PCDH9: variants seen among roughly 807,000 people sequenced by gnomAD.
The protein encoded by PCDH9 is protocadherin-9.
Under a neutral mutation model 70.6 loss-of-function variants are expected in PCDH9, and 24 were observed. The observed-to-expected ratio is 0.34, with a 90% confidence interval of 0.25 to 0.48. PCDH9 has a LOEUF of 0.48. Among genes scored for constraint, PCDH9 ranks in the 20% least tolerant of loss-of-function variants. The pLI is 0.99. For synonymous variants in PCDH9, 562 were observed against 558.5 expected (o/e 1.01, Z -0.09); for missense variants, 1,281 against 1,503.6 (o/e 0.85, Z 2.45).
intron 3 of PCDH9, among the ~76,000 whole-genome samples, chr13:66,712,290 C>A (rs918108800): frequency 1.3e-5 from 2 of 151,950 alleles, no homozygotes; most frequent in African/African-American, 4.8e-5. Flanking sequence ...AATGAAAAAA[C>A]GGTTATTATT....
At chr13:66,934,306 C>T (rs930339811) in intron 2 of PCDH9, among the ~76,000 whole-genome samples, 3 of 152,080 alleles carry the variant, frequency 2.0e-5, no homozygotes, top group East Asian at 1.9e-4. Context: ...CTGAAGTGGG[C>T]GGATCACCTG....
intron 2 of PCDH9, among the ~76,000 whole-genome samples, chr13:67,059,300 T>C (rs2085484878): frequency 6.7e-6 from 1 of 149,092 alleles, no homozygotes; most frequent in Non-Finnish European, 1.5e-5. Flanking sequence ...ATCTGACATT[T>C]CAATGGCGAG....
chr13:66,899,241 T>C (rs2082236814), intron 3 of PCDH9, among the ~76,000 whole-genome samples: 1 of 152,036 alleles, frequency 6.6e-6, no homozygotes, highest in Non-Finnish European at 1.5e-5. Flanking sequence ...TTCTCAATTT[T>C]TCTGTGGAGA....
At chr13:67,104,327 T>C (rs2086492295) in intron 2 of PCDH9, among the ~76,000 whole-genome samples, 3 of 152,154 alleles carry the variant, frequency 2.0e-5, no homozygotes, top group Non-Finnish European at 4.4e-5. Flanking sequence ...CACATGGATT[T>C]TTAAAGGGCT....
chr13:66,541,005 G>A (rs1242452440), intron 4 of PCDH9, among the ~76,000 whole-genome samples: 1 of 152,104 alleles, frequency 6.6e-6, no homozygotes, highest in African/African-American at 2.4e-5. Flanking sequence ...ATTCTCTTAG[G>A]AAAGCAGACT....
intron 4 of PCDH9, among the ~76,000 whole-genome samples, chr13:66,623,441 CTTTTTTTTTTG>C (rs1318423435): frequency 5.4e-5 from 8 of 148,716 alleles, no homozygotes; most frequent in Non-Finnish European, 1.2e-4. Context: ...TTTTCTTTTT[CTTTTTTTTTTG>C]TTAAGAGACA....
At chr13:66,318,171 T>A (rs564760331) in intron 4 of PCDH9, among the ~76,000 whole-genome samples, 64 of 152,290 alleles carry the variant, frequency 4.2e-4, no homozygotes, top group African/African-American at 1.5e-3. Flanking sequence ...GGGAAATTAC[T>A]TCATTAATAT....
At chr13:67,016,476 C>A (rs1354228868) in intron 2 of PCDH9, among the ~76,000 whole-genome samples, 2 of 152,134 alleles carry the variant, frequency 1.3e-5, no homozygotes, top group Non-Finnish European at 2.9e-5. Context: ...ATTGGATTCA[C>A]AAATAAGTGG....
chr13:66,861,605 C>T (rs78493678), intron 3 of PCDH9, among the ~76,000 whole-genome samples: 4,634 of 152,168 alleles, frequency 0.03, 243 homozygotes, highest in African/African-American at 0.1. Flanking sequence ...TATTTAATAA[C>T]GTAGTCAATA....
At chr13:67,222,209 C>T (rs2138119865) in intron 2 of PCDH9, 1 of 148,218 alleles carries the variant, frequency 6.7e-6, no homozygotes, top group Middle Eastern at 3.6e-3. Context: ...TTGTCGTTTT[C>T]ATCCTCTTCA....
intron 3 of PCDH9, among the ~76,000 whole-genome samples, chr13:66,881,776 C>G (rs577533226): frequency 1.3e-5 from 2 of 152,108 alleles, no homozygotes; most frequent in South Asian, 4.2e-4. Flanking sequence ...TGTGTATATT[C>G]TTGAATTCAT....
At chr13:66,361,226 T>C (rs1956466484) in intron 4 of PCDH9, among the ~76,000 whole-genome samples, 1 of 152,106 alleles carries the variant, frequency 6.6e-6, no homozygotes, top group African/African-American at 2.4e-5. Flanking sequence ...TTATACCCCT[T>C]TACTCCTCCA....
chr13:66,384,307 G>A (rs1406088500), intron 4 of PCDH9, among the ~76,000 whole-genome samples: 3 of 151,958 alleles, frequency 2.0e-5, no homozygotes, highest in Non-Finnish European at 4.4e-5. Context: ...ATGAAAATGT[G>A]GAATGTTAAA....
At chr13:66,398,503 C>T (rs1957140177) in intron 4 of PCDH9, among the ~76,000 whole-genome samples, 1 of 152,096 alleles carries the variant, frequency 6.6e-6, no homozygotes, top group Non-Finnish European at 1.5e-5. Context: ...TTCTTACTCT[C>T]TCCTTTGTTG....
chr13:66,795,553 TTGA>T (rs1371654810), intron 3 of PCDH9, among the ~76,000 whole-genome samples: 4 of 152,150 alleles, frequency 2.6e-5, no homozygotes, highest in African/African-American at 9.7e-5. Flanking sequence ...CTCTTTATTG[TTGA>T]TATGATGCTT....
chr13:66,990,909 T>C (rs2139797290), intron 2 of PCDH9: 1 of 152,092 alleles, frequency 6.6e-6, no homozygotes, highest in South Asian at 2.1e-4. Context: ...AATACGCTTA[T>C]TACATAAAAT....
At chr13:67,066,775 TCTTA>T (rs2085657248) in intron 2 of PCDH9, among the ~76,000 whole-genome samples, 1 of 152,180 alleles carries the variant, frequency 6.6e-6, no homozygotes, top group African/African-American at 2.4e-5. Context: ...ATAAGTCACT[TCTTA>T]CTTTTCCACA....
intron 4 of PCDH9, among the ~76,000 whole-genome samples, chr13:66,364,260 C>A (rs1288975749): frequency 6.6e-6 from 1 of 152,148 alleles, no homozygotes; most frequent in Non-Finnish European, 1.5e-5. Flanking sequence ...TACAGTGGAT[C>A]AAGTTTAAGA....
chr13:67,220,903 A>G (rs2089710399), intron 2 of PCDH9: 1 of 152,044 alleles, frequency 6.6e-6, no homozygotes, highest in African/African-American at 2.4e-5. Flanking sequence ...ATAGTCAAAT[A>G]TTTATCTTAC....
Sources: gnomAD v4.1 joint callset for allele counts (sites outside exome capture counted in the v4.1 genomes callset) on GRCh38, gnomAD v4.1.1 for gene constraint, MANE v1.5 for transcripts, NCBI Gene and HGNC (gene_info 2026-07-23, HGNC 2026-07-21) for gene names.